DYRK1A: variants seen among roughly 807,000 people sequenced by gnomAD.
DYRK1A encodes dual specificity tyrosine phosphorylation regulated kinase 1A, also known as dual specificity tyrosine-phosphorylation-regulated kinase 1A.
DYRK1A carries 9 observed loss-of-function variants against 79.7 expected under a neutral mutation model. The observed-to-expected ratio is 0.11, with a 90% CI of 0.07 to 0.20. The LOEUF (loss-of-function observed/expected upper bound fraction) is 0.20, where lower values mean the gene tolerates loss of function less well. DYRK1A is among the 10% of genes least tolerant of loss of function. The pLI is 1.00. For synonymous variants in DYRK1A, 349 were observed against 329.7 expected, an observed-to-expected ratio of 1.06 and a Z score of -0.63; for missense variants, 622 against 956.0, an observed-to-expected ratio of 0.65 and a Z score of 4.61.
At chr21:37,455,502 A>C (rs2051606387) in intron 2 of DYRK1A, among the ~76,000 whole-genome samples, 1 of 151,920 alleles carries the variant, frequency 6.6e-6, no homozygotes, top group African/African-American at 2.4e-5. Context: ...TCTTTTTTCC[A>C]AGTCACCATG....
At chr21:37,418,430 A>G (rs897987711) in intron 1 of DYRK1A, among the ~76,000 whole-genome samples, 1 of 152,228 alleles carries the variant, frequency 6.6e-6, no homozygotes, top group African/African-American at 2.4e-5. Flanking sequence ...TTAATAAAGA[A>G]TACTGATAAT....
intron 2 of DYRK1A, among the ~76,000 whole-genome samples, chr21:37,464,475 T>C (rs2148535517): frequency 6.6e-6 from 1 of 152,346 alleles, no homozygotes; most frequent in Non-Finnish European, 1.5e-5. Flanking sequence ...GAACTCCACA[T>C]GCATGATTTT....
rs2148345852 is a variant in DYRK1A at position 37,367,173 on chromosome 21, G to C, written c.-532G>C. The C allele has an allele frequency of 6.6e-6, 1 of 152,034 alleles. No individual in the cohort carries two copies. Among genetic ancestry groups the C allele is most frequent in the South Asian group, 2.1e-4 (1 of 4,830 alleles). The allele number at this position is 152,034 out of a possible 1,614,324, so 9.4% of individuals were successfully genotyped here. A position where few individuals can be genotyped will look rare whatever the true frequency, so the allele number is the denominator to read the frequency against. ...TCTGTCTGTGCGGGGACTCGGGGGC[G>C]GGCGGTTCGGGCTCTCCTGGCGGAG... On this transcript the variant is annotated 5_prime_UTR_variant, in exon 1 of 12. Coordinates refer to ENST00000647188, the MANE Select transcript of DYRK1A (RefSeq NM_001347721.2).
chr21:37,437,033 G>C (rs891713246), intron 2 of DYRK1A, among the ~76,000 whole-genome samples: 4 of 152,178 alleles, frequency 2.6e-5, no homozygotes, highest in African/African-American at 9.6e-5. Context: ...ATTTTAACAG[G>C]TGATGTTTGA....
At chr21:37,416,394 T>A (rs1465845841) in intron 1 of DYRK1A, among the ~76,000 whole-genome samples, 1 of 147,460 alleles carries the variant, frequency 6.8e-6, no homozygotes, top group Non-Finnish European at 1.5e-5. Flanking sequence ...TCTGGGTTTT[T>A]AGGATTTCAC....
In DYRK1A at chr21:37,522,861, A is replaced by G. The variant is rs986121580; in HGVS notation, c.*10330A>G. Reference sequence around the variant, plus strand: ...TCCCCTTCTTGTTTCCAGGATCCACAGTTCCTGCTCTGCTTCCGCTTTCCC... The same window carrying G: ...TCCCCTTCTTGTTTCCAGGATCCACGGTTCCTGCTCTGCTTCCGCTTTCCC... On this transcript the variant is annotated 3_prime_UTR_variant, in exon 12 of 12. Coordinates refer to ENST00000647188, the MANE Select transcript of DYRK1A (RefSeq NM_001347721.2). The G allele has an allele frequency of 1.3e-5, 2 of 152,304 alleles. No individual in the cohort carries two copies. The highest frequency in any genetic ancestry group is 4.8e-5 in the African/African-American group (2 of 41,418). 9.4% of individuals were successfully genotyped at this position (152,304 alleles called of 1,614,324 possible).
At chr21:37,481,969 TC>T (rs1335280162) in intron 5 of DYRK1A, among the ~76,000 whole-genome samples, 1 of 152,238 alleles carries the variant, frequency 6.6e-6, no homozygotes, top group African/African-American at 2.4e-5. Context: ...TTGCTGATAA[TC>T]CCAGTCTCCT....
At chr21:37,482,724 G>A (rs1292651665) in intron 5 of DYRK1A, among the ~76,000 whole-genome samples, 1 of 152,100 alleles carries the variant, frequency 6.6e-6, no homozygotes, top group Non-Finnish European at 1.5e-5. Flanking sequence ...GGAGACTGGG[G>A]CTTATTTCAT....
At chr21:37,378,750 A>G (rs913906364) in intron 1 of DYRK1A, among the ~76,000 whole-genome samples, 2 of 152,186 alleles carry the variant, frequency 1.3e-5, no homozygotes, top group African/African-American at 2.4e-5. Flanking sequence ...TCTGCTTTTA[A>G]TGTTGAGATA....
At chr21:37,484,278 C>T (rs1480237468) in intron 5 of DYRK1A, among the ~76,000 whole-genome samples, 1 of 152,042 alleles carries the variant, frequency 6.6e-6, no homozygotes, top group African/African-American at 2.4e-5. Context: ...AGAGTGCTAC[C>T]TCCGCCATGA....
At chr21:37,493,596 C>T (rs1208556060) in intron 8 of DYRK1A, among the ~76,000 whole-genome samples, 2 of 152,150 alleles carry the variant, frequency 1.3e-5, no homozygotes, top group Non-Finnish European at 2.9e-5. Flanking sequence ...AGATTATAGA[C>T]TTGTAGGGCT....
intron 7 of DYRK1A, among the ~76,000 whole-genome samples, chr21:37,492,049 T>A (rs2053114875): frequency 6.6e-6 from 1 of 152,220 alleles, no homozygotes; most frequent in South Asian, 2.1e-4. Context: ...GTTCTTGGCA[T>A]AAGCTGTGAA....
Position 37,526,176 on chromosome 21 carries a change from AGT to A in DYRK1A, c.*13650_*13651del, listed in dbSNP as rs2053966566. ...TCTGAGCCCAAACTACAGTTTGAGC[AGT>A]GTGTTAGGGACCTCAATGCAAACCC... On this transcript the variant is annotated 3_prime_UTR_variant, in exon 12 of 12. Coordinates refer to ENST00000647188, the MANE Select transcript of DYRK1A (RefSeq NM_001347721.2). The A allele has an allele frequency of 6.6e-6, 1 of 152,354 alleles. No homozygotes were observed. The highest frequency in any genetic ancestry group is 1.9e-4 in the East Asian group (1 of 5,192). The allele number at this position is 152,354 out of a possible 1,614,324, so 9.4% of individuals were successfully genotyped here. A position where few individuals can be genotyped will look rare whatever the true frequency, so the allele number is the denominator to read the frequency against.
At chr21:37,406,905 TTC>T (rs2050158571) in intron 1 of DYRK1A, among the ~76,000 whole-genome samples, 1 of 149,120 alleles carries the variant, frequency 6.7e-6, no homozygotes, top group South Asian at 2.1e-4. Context: ...TTAGAAAAAA[TTC>T]TTTTTGAGTT....
At chr21:37,470,528 C>T (rs1227460898) in intron 2 of DYRK1A, among the ~76,000 whole-genome samples, 1 of 152,108 alleles carries the variant, frequency 6.6e-6, no homozygotes, top group Non-Finnish European at 1.5e-5. Context: ...TATAGTAATA[C>T]CTCTGCTTCA....
intron 3 of DYRK1A, among the ~76,000 whole-genome samples, chr21:37,476,547 A>G (rs1466872303): frequency 6.6e-6 from 1 of 152,226 alleles, no homozygotes; most frequent in Non-Finnish European, 1.5e-5. Flanking sequence ...ACATGAAAAC[A>G]ATGCTGGGAA....
At chr21:37,403,644 AAAAAATAT>A (rs1184027981) in intron 1 of DYRK1A, among the ~76,000 whole-genome samples, 1 of 105,924 alleles carries the variant, frequency 9.4e-6, no homozygotes, top group Non-Finnish European at 1.9e-5. Context: ...TAAAAAAAAA[AAAAAATAT>A]ATATATATAT....
intron 11 of DYRK1A, among the ~76,000 whole-genome samples, chr21:37,510,342 G>T (rs1337738645): frequency 2.6e-5 from 4 of 152,148 alleles, no homozygotes; most frequent in Non-Finnish European, 4.4e-5. Flanking sequence ...ATTGTTTTCA[G>T]TAGTATCTCT....
In DYRK1A at chr21:37,523,048, T is replaced by G. The variant is rs557034880; in HGVS notation, c.*10517T>G. The G allele has an allele frequency of 6.6e-6, 1 of 152,462 alleles. No individual in the cohort carries two copies. The highest frequency in any genetic ancestry group is 1.9e-4 in the East Asian group (1 of 5,188). 9.4% of individuals were successfully genotyped at this position (152,462 alleles called of 1,614,324 possible). ...GATTAGTCTTCATCAATTCTTAGTA[T>G]TATTTTTTAGGGATAGGGTCTTGCT... On this transcript the variant is annotated 3_prime_UTR_variant, in exon 12 of 12. Coordinates refer to ENST00000647188, the MANE Select transcript of DYRK1A (RefSeq NM_001347721.2).
Sources: gnomAD v4.1 joint callset for allele counts (sites outside exome capture counted in the v4.1 genomes callset) on GRCh38, gnomAD v4.1.1 for gene constraint, MANE v1.5 for transcripts, NCBI Gene and HGNC (gene_info 2026-07-23, HGNC 2026-07-21) for gene names.